The following MARCOL variants were observed in gnomAD, a reference collection of about 807,000 sequenced individuals.
MARCOL encodes the protein MARCO-like protein.
intron 1 of MARCOL, among the ~76,000 whole-genome samples, chr5:148,240,372 CAT>C (rs1755950887): frequency 6.6e-6 from 1 of 151,822 alleles, no homozygotes; most frequent in Admixed American, 6.6e-5. Context: ...TAATTATATT[CAT>C]ATATGTTTGT....
intron 1 of MARCOL, among the ~76,000 whole-genome samples, chr5:148,241,371 G>A (rs555851560): frequency 2.3e-5 from 3 of 129,806 alleles, no homozygotes; most frequent in African/African-American, 7.7e-5. Context: ...ATTTAAAATT[G>A]CGTATATTGA....
intron 1 of MARCOL, among the ~76,000 whole-genome samples, chr5:148,241,975 G>T (rs552682639): frequency 6.6e-6 from 1 of 152,274 alleles, no homozygotes; most frequent in South Asian, 2.1e-4. Context: ...AGAGATGGAA[G>T]TGAGAAGAAT....
Position 148,239,491 on chromosome 5 carries a change from A to G in MARCOL, c.49+845A>G, listed in dbSNP as rs573465768. ...AATAGTGTTTCTCTTTTCATTGGAA[A>G]CACTGCAAAGCTGTTTCAGAGTTTT... On this transcript the variant is annotated intron_variant, in intron 1 of 1. Coordinates refer to ENST00000638089, the MANE Select transcript of MARCOL (RefSeq NM_001363511.2). Among the ~76,000 whole-genome samples the G allele has an allele frequency of 2.6e-5, 4 of 152,068 alleles. No homozygotes were observed. The East Asian group carries it at 7.7e-4, about 29-fold the overall frequency.
At chr5:148,239,628 G>T (rs1208619432) in intron 1 of MARCOL, among the ~76,000 whole-genome samples, 1 of 151,630 alleles carries the variant, frequency 6.6e-6, no homozygotes, top group African/African-American at 2.4e-5. Flanking sequence ...AGGAGCTGCT[G>T]AAGTAACAGA....
Position 148,242,931 on chromosome 5 carries a change from T to A in MARCOL, c.535T>A (p.Ser179Thr). 2.5e-6 allele frequency: 1 copy of A among 398,468 alleles called. No individual in the cohort carries two copies. 24.7% of individuals were successfully genotyped at this position (398,468 alleles called of 1,614,324 possible). The change falls in exon 2 of 2, where the codon TCA becomes ACA. Residue 179 changes from serine (S) to threonine (T), a missense_variant. Physicochemically the swap from Ser to Thr is moderately conservative, Grantham distance 58. Transcript: ENST00000638089. ...ATCTAGCCAACACGGGAATCTAGGGTCATCAACCCAGAAAGGGAATTTAGG... is the reference window on the plus strand; with the variant it reads ...ATCTAGCCAACACGGGAATCTAGGGACATCAACCCAGAAAGGGAATTTAGG... ...GSSSQHGNLG[S>T]STQKGNLGSS... is the part of the protein sequence containing the mutation.
intron 1 of MARCOL, among the ~76,000 whole-genome samples, chr5:148,241,051 A>G (rs184943324): frequency 6.6e-6 from 1 of 152,106 alleles, no homozygotes; most frequent in Admixed American, 6.6e-5. Context: ...TTCTTTTATA[A>G]TAACAAATTA....
chr5:148,240,763 C>T (rs1419147854), intron 1 of MARCOL, among the ~76,000 whole-genome samples: 1 of 151,868 alleles, frequency 6.6e-6, no homozygotes, highest in Non-Finnish European at 1.5e-5. Flanking sequence ...AGAATCCATA[C>T]ATGTACTCAT....
chr5:148,241,004 C>T (rs985527878), intron 1 of MARCOL, among the ~76,000 whole-genome samples: 7 of 151,954 alleles, frequency 4.6e-5, no homozygotes, highest in African/African-American at 1.7e-4. Context: ...GTGAACAGGG[C>T]CGTGAATGTC....
At chr5:148,241,458 A>G (rs1755964198) in intron 1 of MARCOL, among the ~76,000 whole-genome samples, 2 of 151,406 alleles carry the variant, frequency 1.3e-5, no homozygotes, top group Admixed American at 1.3e-4. Context: ...CCACATTAGG[A>G]AAGTGAATAA....
chr5:148,241,773 C>T (rs990607656), intron 1 of MARCOL, among the ~76,000 whole-genome samples: 4 of 151,976 alleles, frequency 2.6e-5, no homozygotes, highest in Non-Finnish European at 4.4e-5. Flanking sequence ...TGATATTTAC[C>T]ATTCTCTTGA....
In MARCOL at chr5:148,243,221, G is replaced by A. The variant is rs764932898; in HGVS notation, c.825G>A (p.Lys275=). The change falls in exon 2 of 2, where the codon AAG becomes AAA. Residue 275 remains lysine (K), a synonymous_variant. Transcript: ENST00000638089. Reference sequence around the variant, plus strand: ...AAGGACCTTCTAGCAAACAGAGGAAGCCAGGTTCATCCAGCCGTCAAGGAA... The same window carrying A: ...AAGGACCTTCTAGCAAACAGAGGAAACCAGGTTCATCCAGCCGTCAAGGAA... ...GNQGPSSKQR[K]PGSSSRQGNL 1 of 398,872 alleles carries A rather than the reference G, an allele frequency of 2.5e-6. No homozygotes were observed. 24.7% of individuals were successfully genotyped at this position (398,872 alleles called of 1,614,324 possible).
At position 148,242,695 on chromosome 5, in the gene MARCOL, G is replaced by A. The variant is rs199616767; in HGVS notation, c.299G>A (p.Gly100Glu). ...AGAGCAGGAGTTTTAAACCAGCCTG[G>A]GATTTTAAAGAATTCAGGAAAATCT... Reference protein sequence around the residue: ...QGRAGVLNQPGILKNSGKSNQ... With the variant: ...QGRAGVLNQPEILKNSGKSNQ... Residue 100 changes from glycine to glutamate, a missense_variant, in exon 2 of 2, where the codon GGG (glycine) becomes GAG (glutamate). Gly to Glu is a moderately conservative substitution (Grantham distance 98). Transcript: ENST00000638089. 1 of 369,742 alleles carries A rather than the reference G, an allele frequency of 2.7e-6. No homozygotes were observed. Among genetic ancestry groups the A allele is most frequent in the Non-Finnish European group, 4.4e-6 (1 of 225,682 alleles). 22.9% of individuals were successfully genotyped at this position (369,742 alleles called of 1,614,324 possible).
chr5:148,239,667 G>A (rs1755943265), intron 1 of MARCOL, among the ~76,000 whole-genome samples: 1 of 151,838 alleles, frequency 6.6e-6, no homozygotes. Context: ...TGAGTTAAGA[G>A]ATAGAATTAG....
At chr5:148,241,373 G>A (rs748108122) in intron 1 of MARCOL, among the ~76,000 whole-genome samples, 15 of 117,796 alleles carry the variant, frequency 1.3e-4, no homozygotes, top group African/African-American at 2.1e-4. Context: ...TTAAAATTGC[G>A]TATATTGAAA....
At chr5:148,240,036 T>A (rs1045230612) in intron 1 of MARCOL, among the ~76,000 whole-genome samples, 1 of 151,982 alleles carries the variant, frequency 6.6e-6, no homozygotes, top group African/African-American at 2.4e-5. Flanking sequence ...TATAATATCT[T>A]AATTGTCTCT....
At position 148,242,966 on chromosome 5, in the gene MARCOL, C is replaced by A; in HGVS notation, c.570C>A (p.Ser190Arg). 1 of 399,126 alleles carries A rather than the reference C, an allele frequency of 2.5e-6. No homozygotes were observed. The highest frequency in any genetic ancestry group is 2.1e-5 in the African/African-American group (1 of 48,672). The allele number at this position is 399,126 out of a possible 1,614,324, so 24.7% of individuals were successfully genotyped here. Residue 190 changes from serine (S) to arginine (R), a missense_variant, in exon 2 of 2, where the codon AGC (serine) becomes AGA (arginine). Physicochemically the swap from Ser to Arg is moderately radical, Grantham distance 110. Transcript: ENST00000638089. The part of the protein sequence containing the change: ...STQKGNLGSS[S>R]LQGHLGLSSH... ...AGAAAGGGAATTTAGGATCTTCTAGCCTACAAGGGCATCTGGGTTTATCTA... is the reference window on the plus strand; with the variant it reads ...AGAAAGGGAATTTAGGATCTTCTAGACTACAAGGGCATCTGGGTTTATCTA...
intron 1 of MARCOL, among the ~76,000 whole-genome samples, chr5:148,240,660 C>A (rs1352801138): frequency 6.6e-6 from 1 of 151,868 alleles, no homozygotes; most frequent in Non-Finnish European, 1.5e-5. Flanking sequence ...GTTACCAACT[C>A]TTTTTTCCTA....
At chr5:148,242,043 G>A (rs763458512) in intron 1 of MARCOL, among the ~76,000 whole-genome samples, 21 of 152,118 alleles carry the variant, frequency 1.4e-4, no homozygotes, top group Non-Finnish European at 1.6e-4. Flanking sequence ...GGCGTTATCC[G>A]TAAAGTGAAG....
intron 1 of MARCOL, among the ~76,000 whole-genome samples, chr5:148,240,211 A>G (rs1477487485): frequency 6.6e-6 from 1 of 151,910 alleles, no homozygotes; most frequent in Non-Finnish European, 1.5e-5. Flanking sequence ...ATTATGATAA[A>G]CCCATAAAAT....
Sources: allele counts gnomAD v4.1 joint callset (sites outside exome capture counted in the v4.1 genomes callset), GRCh38; gene constraint gnomAD v4.1.1; transcripts MANE v1.5; gene names NCBI Gene and HGNC (gene_info 2026-07-23, HGNC 2026-07-21).